Variants in RYR1 observed in about 807,000 individuals in gnomAD.
RYR1 encodes the protein central core disease of muscle.
In RYR1, 342 loss-of-function variants were observed where a neutral mutation model predicts 583.5. That is an observed-to-expected ratio of 0.59 (90% CI 0.54 to 0.64). RYR1 has a LOEUF of 0.64. RYR1 is among the 30% of genes least tolerant of loss of function. The pLI, the probability that RYR1 is intolerant of heterozygous loss-of-function variation, is 0.00. For missense variants in RYR1, 6,032 were observed against 6,917.2 expected (o/e 0.87, Z 4.54); for synonymous variants, 2,791 against 2,822.5 (o/e 0.99, Z 0.35).
chr19:38,496,411 G>T lies in RYR1; in HGVS notation c.6666G>T (p.Glu2222Asp). Residue 2222 changes from glutamate to aspartate, a missense_variant and splice_region_variant, in exon 41 of 106, where the codon GAG becomes GAT. This residue lies in a region of RYR1 where 2,627 missense variants were observed against 2,961.3 expected (regional missense o/e 0.89). Transcript: ENST00000359596. The surrounding 1 kb of genome is among the most constrained non-coding windows in gnomAD (Gnocchi z 4.8). ...VNVLGGGESK[E>D]IRFPKMVTSC... ...CCTGACCACCCTGCCTGTCCCAGGA[G>T]ATCCGCTTCCCCAAGATGGTGACAA... 2 of 1,613,880 alleles carry T rather than the reference G, an allele frequency of 1.2e-6. No homozygotes were observed. The highest frequency in any genetic ancestry group is 1.7e-6 in the Non-Finnish European group (2 of 1,180,046).
At chr19:38,457,417 G>T (rs1043574170) in intron 16 of RYR1, 80 bp from the exon 17 acceptor site, 5 of 1,605,604 alleles carry the variant, frequency 3.1e-6, no homozygotes, top group Non-Finnish European at 4.3e-6. Flanking sequence ...TTTCCTCCTG[G>T]CTTCCCTCCC....
chr19:38,444,659 T>G lies in RYR1; in HGVS notation c.613T>G (p.Cys205Gly). 1.2e-6 allele frequency: 2 copies of G among 1,613,730 alleles called. No individual in the cohort carries two copies. Among genetic ancestry groups the G allele is most frequent in the Non-Finnish European group, 1.7e-6 (2 of 1,179,814 alleles). ...GACACTATGGAACATGAACCCCATCTGCTCCCGCTGCGAAGAGGGTGAGGG... is the reference window on the plus strand; with the variant it reads ...GACACTATGGAACATGAACCCCATCGGCTCCCGCTGCGAAGAGGGTGAGGG... The part of the protein sequence containing the change: ...MQTLWNMNPI[C>G]SRCEEGFVTG... Residue 205 changes from cysteine to glycine, a missense_variant, in exon 7 of 106, where the codon TGC becomes GGC. Cys to Gly is a radical substitution (Grantham distance 159). Coordinates refer to ENST00000359596, the MANE Select transcript of RYR1 (RefSeq NM_000540.3). This position sits in a 1 kb window ranked among gnomAD's most constrained non-coding sequence, Gnocchi z 5.1.
Position 38,443,903 on chromosome 19 carries a change from A to G in RYR1, c.424+107A>G, listed in dbSNP as rs1039583688. The G allele has an allele frequency of 2.8e-6, 3 of 1,058,254 alleles. No homozygotes were observed. The African/African-American group carries it at 4.7e-5, about 17-fold the overall frequency. 65.6% of individuals were successfully genotyped at this position (1,058,254 alleles called of 1,614,324 possible). A position where few individuals can be genotyped will look rare whatever the true frequency, so the allele number is the denominator to read the frequency against. ...GCAAGCATGAGACTACCCTGGGGAC[A>G]TGAATGGGGGCTTCGTAGCAGAGAG... is the stretch of plus-strand genomic sequence containing the variant. On this transcript the variant is annotated intron_variant, in intron 5 of 105. Transcript: ENST00000359596.
chr19:38,527,676 G>C lies in RYR1; in HGVS notation c.10716G>C (p.Gln3572His). The C allele has an allele frequency of 6.2e-7, 1 of 1,614,194 alleles. No homozygotes were observed. Among genetic ancestry groups the C allele is most frequent in the Non-Finnish European group, 8.5e-7 (1 of 1,180,044 alleles). ...KVEGSPSLRW[Q>H]MALYRGVPGR... Reference sequence around the variant, plus strand: ...AAGGCTCCCCGTCTCTGCGCTGGCAGATGGCTCTGTACCGGGGCGTCCCGG... The same window carrying C: ...AAGGCTCCCCGTCTCTGCGCTGGCACATGGCTCTGTACCGGGGCGTCCCGG... Residue 3572 changes from glutamine to histidine, a missense_variant, in exon 73 of 106, where the codon CAG becomes CAC. By Grantham distance (24) the Gln-to-His change is conservative. This residue lies in a region of RYR1 where 1,493 missense variants were observed against 1,715.5 expected (regional missense o/e 0.87). Coordinates refer to ENST00000359596, the MANE Select transcript of RYR1 (RefSeq NM_000540.3).
At chr19:38,514,070 A>C (rs1970843711) in intron 63 of RYR1, among the ~76,000 whole-genome samples, 1 of 152,064 alleles carries the variant, frequency 6.6e-6, no homozygotes, top group Non-Finnish European at 1.5e-5. Flanking sequence ...AAAGTCTAGA[A>C]TAGCCCCGCC....
intron 101 of RYR1, among the ~76,000 whole-genome samples, chr19:38,580,707 T>TTTAAA (rs1345625527): frequency 3.3e-5 from 5 of 151,938 alleles, no homozygotes; most frequent in Non-Finnish European, 5.9e-5. Context: ...TAAAAAAAAA[T>TTTAAA]TTAAACGTTA....
At chr19:38,489,954 G>A (rs1969477383) in intron 35 of RYR1, 122 bp from the exon 36 acceptor site, 1 of 1,002,026 alleles carries the variant, frequency 1.0e-6, no homozygotes, top group Non-Finnish European at 1.5e-6. Flanking sequence ...GTTCCAGGCG[G>A]GAAATGATTT....
Position 38,543,687 on chromosome 19 carries a change from T to G in RYR1, c.11907+27T>G, listed in dbSNP as rs201376562. The G allele has an allele frequency of 4.8e-5, 78 of 1,612,428 alleles. No homozygotes were observed. In the African/African-American group the frequency reaches 9.9e-4, roughly 20 times the overall value. The stretch of plus-strand genomic sequence containing the variant: ...TAGGGCGCTCCCCCTGGGGCGGGAG[T>G]GGGAAGGGAGGGGGTCCCGCATCGT... On this transcript the variant is annotated intron_variant, in intron 86 of 105. Coordinates refer to ENST00000359596, the MANE Select transcript of RYR1 (RefSeq NM_000540.3). The surrounding 1 kb of genome is among the most constrained non-coding windows in gnomAD (Gnocchi z 4.4).
intron 88 of RYR1, 136 bp downstream of exon 88, chr19:38,546,662 G>A (rs148889911): frequency 0.02 from 13,751 of 689,926 alleles, 209 homozygotes; most frequent in South Asian, 0.037. Flanking sequence ...TGATGAAGAA[G>A]CCATAATAGG....
At chr19:38,488,989 G>C (rs903778631) in intron 34 of RYR1, among the ~76,000 whole-genome samples, 188 bp from the exon 35 acceptor site, 9 of 152,180 alleles carry the variant, frequency 5.9e-5, no homozygotes, top group Admixed American at 4.6e-4. Flanking sequence ...ACAGGGTGTG[G>C]ACCTGGGTGG....
At position 38,500,850 on chromosome 19, in the gene RYR1, G is replaced by A; in HGVS notation, c.7474G>A (p.Ala2492Thr). 1 of 1,613,116 alleles carries A rather than the reference G, an allele frequency of 6.2e-7. No homozygotes were observed. The highest frequency in any genetic ancestry group is 8.5e-7 in the Non-Finnish European group (1 of 1,179,604). ...DGALVQPKMS[A>T]SFVPDHKASM... ...GGCTCTGGTGCAGCCAAAGATGTCA[G>A]CATCCTTCGTGCCGGACCACAAGGC... Residue 2492 changes from alanine (A) to threonine (T), a missense_variant, in exon 47 of 106, where the codon GCA (alanine) becomes ACA (threonine). Coordinates refer to ENST00000359596, the MANE Select transcript of RYR1 (RefSeq NM_000540.3). This position sits in a 1 kb window ranked among gnomAD's most constrained non-coding sequence, Gnocchi z 5.9.
chr19:38,518,209 C>CAGGAAGGA (rs74176446), intron 66 of RYR1, among the ~76,000 whole-genome samples: 4 of 151,118 alleles, frequency 2.6e-5, no homozygotes, highest in Non-Finnish European at 5.9e-5. Flanking sequence ...GGAAGGAAGG[C>CAGGAAGGA]AGGAAGGAAG....
At chr19:38,446,801 G>A (rs890023225) in intron 9 of RYR1, 33 bp downstream of exon 9, 39 of 1,574,726 alleles carry the variant, frequency 2.5e-5, no homozygotes, top group Non-Finnish European at 3.3e-5. Context: ...AGACCAGGGA[G>A]AGGCTGGGGT....
chr19:38,483,118 A>G lies in RYR1; in HGVS notation c.4707+5A>G. The G allele has an allele frequency of 6.2e-7, 1 of 1,613,840 alleles. No individual in the cohort carries two copies. On this transcript the variant is annotated splice_donor_5th_base_variant and intron_variant, in intron 32 of 105. Transcript: ENST00000359596. This position sits in a 1 kb window ranked among gnomAD's most constrained non-coding sequence, Gnocchi z 6.3. ...TTTGAGCTGGGGAAGCAGAAGGTAC[A>G]AGTGCAGTGATGGGGGCACTAATGG...
At chr19:38,550,176 A>G (rs183546908) in intron 89 of RYR1, among the ~76,000 whole-genome samples, 1 of 152,218 alleles carries the variant, frequency 6.6e-6, no homozygotes, top group East Asian at 1.9e-4. Flanking sequence ...GCTGCTATCT[A>G]ATCCTAGACC....
At chr19:38,456,941 G>A (rs1027709425) in intron 16 of RYR1, among the ~76,000 whole-genome samples, 3 of 149,742 alleles carry the variant, frequency 2.0e-5, no homozygotes, top group Non-Finnish European at 4.4e-5. Context: ...AGCTACTCGG[G>A]AGGCTGAGGC....
Position 38,559,320 on chromosome 19 carries a change from G to A in RYR1, c.12283-1793G>A, listed in dbSNP as rs537953030. On this transcript the variant is annotated intron_variant, in intron 89 of 105. Transcript: ENST00000359596. ...ACAATCTTGGCTCACTGCAACATCC[G>A]CCTCCCAGGTTCAAGCCATTCTCCT... Among the ~76,000 whole-genome samples the A allele has an allele frequency of 1.1e-4, 15 of 138,618 alleles. No homozygotes were observed. The South Asian group carries it at 3.5e-3, about 33-fold the overall frequency. The allele number at this position is 138,618 out of a possible 152,430, so 90.9% of individuals were successfully genotyped here. A position where few individuals can be genotyped will look rare whatever the true frequency, so the allele number is the denominator to read the frequency against.
rs1600825262 is a variant in RYR1, at chr19:38,500,797, C to T, written c.7445-24C>T. ...AGCGGCTGGGTCCGCAGGGCATCCC[C>T]GAACCCACCCTCCCTGCCTGCAGAT... is the stretch of plus-strand genomic sequence containing the variant. On this transcript the variant is annotated intron_variant, in intron 46 of 105. Coordinates refer to ENST00000359596, the MANE Select transcript of RYR1 (RefSeq NM_000540.3). The surrounding 1 kb of genome is among the most constrained non-coding windows in gnomAD (Gnocchi z 5.9). 1.3e-5 allele frequency: 21 copies of T among 1,613,420 alleles called. No individual in the cohort carries two copies. The highest frequency in any genetic ancestry group is 3.3e-5 in the South Asian group (3 of 91,066).
At position 38,510,412 on chromosome 19, in the gene RYR1, A is replaced by G. The variant is rs922261829; in HGVS notation, c.8933-86A>G. 74 of 1,368,310 alleles carry G rather than the reference A, an allele frequency of 5.4e-5. No homozygotes were observed. The East Asian group carries it at 1.3e-3, about 25-fold the overall frequency. The allele number at this position is 1,368,310 out of a possible 1,614,324, so 84.8% of individuals were successfully genotyped here. On this transcript the variant is annotated intron_variant, in intron 58 of 105. Transcript: ENST00000359596. The stretch of plus-strand genomic sequence containing the variant: ...ATACTTTATCCCCCATCATTTCCCA[A>G]CTCTGCTCCCAGCATCCTTCCCATC...
Sources: gnomAD v4.1 joint callset for allele counts (sites outside exome capture counted in the v4.1 genomes callset) on GRCh38, gnomAD v4.1.1 for gene constraint, gnomAD v4.1.1 regional missense constraint, Gnocchi (gnomAD v3.1) non-coding constraint, MANE v1.5 for transcripts, NCBI Gene and HGNC (gene_info 2026-07-23, HGNC 2026-07-21) for gene names.